The following CDH4 variants were observed in gnomAD, a reference collection of about 807,000 sequenced individuals.
CDH4 encodes cadherin 4.
In CDH4, 33 loss-of-function variants were observed where a neutral mutation model predicts 86.0. The ratio of observed to expected loss-of-function variants is 0.38; its 90% CI spans 0.29 to 0.51. The LOEUF is 0.51. Ranked by LOEUF, CDH4 falls within the 20% of genes least tolerant of loss-of-function variation. The pLI is 0.86. For missense variants in CDH4, 1,114 were observed against 1,307.4 expected (o/e 0.85, Z 2.28); for synonymous variants, 555 against 549.4 (o/e 1.01, Z -0.14).
intron 2 of CDH4, among the ~76,000 whole-genome samples, chr20:61,669,136 A>G (rs891667521): frequency 2.0e-5 from 3 of 152,236 alleles, no homozygotes; most frequent in Non-Finnish European, 2.9e-5. Flanking sequence ...AGGAGCGGGC[A>G]TGGGCACACC....
At chr20:61,326,212 C>T (rs2084536284) in intron 2 of CDH4, among the ~76,000 whole-genome samples, 1 of 152,144 alleles carries the variant, frequency 6.6e-6, no homozygotes, top group African/African-American at 2.4e-5. Flanking sequence ...CACCGCACTG[C>T]CTTGTTTTAG....
At chr20:61,668,858 C>T (rs1044578978) in intron 2 of CDH4, among the ~76,000 whole-genome samples, 2 of 152,212 alleles carry the variant, frequency 1.3e-5, no homozygotes, top group African/African-American at 2.4e-5. Context: ...GCAAGGAAAA[C>T]GTACTTAGGA....
intron 7 of CDH4, among the ~76,000 whole-genome samples, chr20:61,883,616 G>C (rs903745017): frequency 1.3e-5 from 2 of 152,224 alleles, no homozygotes; most frequent in Non-Finnish European, 2.9e-5. Flanking sequence ...AGAAACCCCA[G>C]GCCACTGGAG....
chr20:61,810,980 G>A lies in CDH4; in HGVS notation c.577-33688G>A, dbSNP rs563682968. ...CTGCAAATGATGCTGCATTTGTAAC[G>A]GGAGCTAGAAAGGAATCAGTCAAAC... On this transcript the variant is annotated intron_variant, in intron 4 of 15. Coordinates refer to ENST00000614565, the MANE Select transcript of CDH4 (RefSeq NM_001794.5). This position sits in a 1 kb window ranked among gnomAD's most constrained non-coding sequence, Gnocchi z 4.3. Among the ~76,000 whole-genome samples, 1 of 152,264 alleles carries A rather than the reference G, an allele frequency of 6.6e-6. No individual in the cohort carries two copies. Among genetic ancestry groups the A allele is most frequent in the Non-Finnish European group, 1.5e-5 (1 of 68,020 alleles).
chr20:61,591,292 T>C (rs1342909217), intron 2 of CDH4, among the ~76,000 whole-genome samples: 3 of 152,244 alleles, frequency 2.0e-5, no homozygotes, highest in African/African-American at 7.2e-5. Flanking sequence ...TTTTAAACTA[T>C]CAGCAATAAG....
Position 61,501,536 on chromosome 20 carries a change from C to T in CDH4, c.170-242027C>T, listed in dbSNP as rs575131743. ...AGGAGACGGCTGCTGCCGTCTCTGC[C>T]CCCTCATCCTTGCTGAATCTCAGAA... is the stretch of plus-strand genomic sequence containing the variant. On this transcript the variant is annotated intron_variant, in intron 2 of 15. Coordinates refer to ENST00000614565, the MANE Select transcript of CDH4 (RefSeq NM_001794.5). This position sits in a 1 kb window ranked among gnomAD's most constrained non-coding sequence, Gnocchi z 4.2. 5.3e-4 allele frequency among the ~76,000 whole-genome samples: 80 copies of T among 152,286 alleles called. No individual in the cohort carries two copies. Among genetic ancestry groups the T allele is most frequent in the Admixed American group, 9.8e-4 (15 of 15,298 alleles).
In CDH4 at chr20:61,590,659, C is replaced by T. The variant is rs114040997; in HGVS notation, c.170-152904C>T. On this transcript the variant is annotated intron_variant, in intron 2 of 15. Transcript: ENST00000614565. ...CAGGCTCTGACCTCAGGCAGCCTCC[C>T]AGCCTGGGGACTTGGGTCGGGTTTG... Among the ~76,000 whole-genome samples, 1,228 of 152,118 alleles carry T rather than the reference C, an allele frequency of 8.1e-3. 25 individuals carry two copies. Among genetic ancestry groups the T allele is most frequent in the African/African-American group, 0.028 (1,151 of 41,374 alleles).
chr20:61,282,249 C>T (rs552157103), intron 2 of CDH4, among the ~76,000 whole-genome samples: 22 of 152,180 alleles, frequency 1.4e-4, no homozygotes, highest in African/African-American at 5.3e-4. Context: ...ATCCCACCTA[C>T]TTGGGAGGCT....
At chr20:61,568,350 C>A (rs1402381534) in intron 2 of CDH4, among the ~76,000 whole-genome samples, 1 of 152,104 alleles carries the variant, frequency 6.6e-6, no homozygotes, top group Admixed American at 6.5e-5. Flanking sequence ...GGGCTTTTTC[C>A]CTTCGTTCCA....
intron 9 of CDH4, among the ~76,000 whole-genome samples, chr20:61,922,825 A>G (rs1227317394): frequency 6.6e-6 from 1 of 152,200 alleles, no homozygotes; most frequent in Non-Finnish European, 1.5e-5. Context: ...GTGTGATCAC[A>G]GTGCACCACA....
At chr20:61,552,645 A>T (rs2086141604) in intron 2 of CDH4, among the ~76,000 whole-genome samples, 1 of 152,232 alleles carries the variant, frequency 6.6e-6, no homozygotes, top group African/African-American at 2.4e-5. Flanking sequence ...GGTTGCAGTG[A>T]GCCAAGATCA....
intron 2 of CDH4, among the ~76,000 whole-genome samples, chr20:61,564,035 C>A (rs181734126): frequency 6.6e-6 from 1 of 152,276 alleles, no homozygotes. Context: ...CCTCAATGCA[C>A]CTCCTCTCTG....
At chr20:61,534,328 C>T (rs13039254) in intron 2 of CDH4, among the ~76,000 whole-genome samples, 8,441 of 152,258 alleles carry the variant, frequency 0.055, 329 homozygotes, top group Non-Finnish European at 0.086. Flanking sequence ...GGGGCAGGAA[C>T]GACCACACGG....
intron 3 of CDH4, among the ~76,000 whole-genome samples, chr20:61,745,389 G>C (rs1030331610): frequency 2.0e-5 from 3 of 152,178 alleles, no homozygotes; most frequent in African/African-American, 7.2e-5. Context: ...TTGTTTCTCA[G>C]ATGGAAGCGG....
At chr20:61,635,024 C>T (rs1028274266) in intron 2 of CDH4, among the ~76,000 whole-genome samples, 3 of 152,214 alleles carry the variant, frequency 2.0e-5, no homozygotes, top group African/African-American at 7.2e-5. Context: ...CGGCACTTTG[C>T]TTTCGTGCCC....
chr20:61,759,219 C>T (rs1455780889), intron 3 of CDH4, among the ~76,000 whole-genome samples: 2 of 152,174 alleles, frequency 1.3e-5, no homozygotes, highest in South Asian at 2.1e-4. Flanking sequence ...CAGACCAATA[C>T]GTTTGTGTTT....
chr20:61,668,123 A>G (rs961729729), intron 2 of CDH4, among the ~76,000 whole-genome samples: 10 of 152,212 alleles, frequency 6.6e-5, no homozygotes, highest in African/African-American at 2.2e-4. Flanking sequence ...ACCCTAAGAG[A>G]AGAAAAGCCC....
intron 2 of CDH4, among the ~76,000 whole-genome samples, chr20:61,586,442 A>G (rs1884229): frequency 0.75 from 114,494 of 152,074 alleles, 43,187 homozygotes; most frequent in Admixed American, 0.81. Flanking sequence ...AGGGCACCAC[A>G]TCTTCCACAG....
In CDH4 at chr20:61,839,415, CGT is replaced by C. The variant is rs528842033; in HGVS notation, c.577-5243_577-5242del. Among the ~76,000 whole-genome samples the C allele has an allele frequency of 1.3e-3, 186 of 148,392 alleles. 3 individuals are homozygous for C. The highest frequency in any genetic ancestry group is 6.8e-3 in the Admixed American group (102 of 14,934). On this transcript the variant is annotated intron_variant, in intron 4 of 15. Coordinates refer to ENST00000614565, the MANE Select transcript of CDH4 (RefSeq NM_001794.5). ...TGTATTTGTGTTGTGTGCATGTGTG[CGT>C]GTGTGTGTGATGTGTGTGTTTGTGT... is the stretch of plus-strand genomic sequence containing the variant.
Sources: allele counts gnomAD v4.1 joint callset (sites outside exome capture counted in the v4.1 genomes callset), GRCh38; gene constraint gnomAD v4.1.1; non-coding constraint Gnocchi (gnomAD v3.1); transcripts MANE v1.5; gene names NCBI Gene and HGNC (gene_info 2026-07-23, HGNC 2026-07-21).